TULP4: variants seen among roughly 807,000 people sequenced by gnomAD.
TULP4 encodes the protein TUB like protein 4.
TULP4 carries 16 observed loss-of-function variants against 129.0 expected under a neutral mutation model. The ratio of observed to expected loss-of-function variants is 0.12; its 90% CI spans 0.08 to 0.19. The LOEUF is 0.19. Ranked by LOEUF, TULP4 falls within the 10% of genes least tolerant of loss-of-function variation. The pLI is 1.00. For synonymous variants in TULP4, 998 were observed against 854.0 expected, an observed-to-expected ratio of 1.17 and a Z score of -2.94; for missense variants, 1,842 against 2,059.1, an observed-to-expected ratio of 0.89 and a Z score of 2.04.
At chr6:158,242,133 C>G (rs1329490674) in intron 1 of TULP4, 1 of 919,288 alleles carries the variant, frequency 1.1e-6, no homozygotes. Context: ...TATAGGCCAT[C>G]TGACCATAAG....
At chr6:158,277,388 C>T (rs1380540893), upstream of TULP4, among the ~76,000 whole-genome samples, 2 of 152,226 alleles carry the variant, frequency 1.3e-5, no homozygotes, top group African/African-American at 4.8e-5. Context: ...AGCCCAAGTA[C>T]ATCATGGGTT....
At chr6:158,309,179 T>G (rs184139499), upstream of TULP4, among the ~76,000 whole-genome samples, 1 of 15,758 alleles carries the variant, frequency 6.3e-5, no homozygotes, top group African/African-American at 1.5e-4. Context: ...TCAGATGGGG[T>G]GGTTGCCAGG....
At chr6:158,345,215 A>G (rs766077566) in intron 1 of TULP4, among the ~76,000 whole-genome samples, 1 of 152,212 alleles carries the variant, frequency 6.6e-6, no homozygotes, top group African/African-American at 2.4e-5. Flanking sequence ...TGGTGCAATC[A>G]TGGCTCACTG....
At chr6:158,317,390 C>G (rs1182552229) in intron 1 of TULP4, among the ~76,000 whole-genome samples, 1 of 131,768 alleles carries the variant, frequency 7.6e-6, no homozygotes, top group African/African-American at 2.9e-5. Flanking sequence ...TTGTTCAGTT[C>G]CCACCTATGA....
At chr6:158,374,244 G>A (rs750200800) in intron 1 of TULP4, among the ~76,000 whole-genome samples, 24 of 150,090 alleles carry the variant, frequency 1.6e-4, no homozygotes, top group Non-Finnish European at 2.8e-4. Flanking sequence ...CTATGATTGC[G>A]CCACCGCATT....
intron 1 of TULP4, among the ~76,000 whole-genome samples, chr6:158,273,642 A>G (rs746621615): frequency 6.6e-5 from 10 of 152,250 alleles, no homozygotes; most frequent in Non-Finnish European, 1.2e-4. Context: ...TGCCACCACC[A>G]ATTGGGAATT....
At chr6:158,364,052 G>A (rs1780863234) in intron 1 of TULP4, among the ~76,000 whole-genome samples, 1 of 152,104 alleles carries the variant, frequency 6.6e-6, no homozygotes, top group Non-Finnish European at 1.5e-5. Context: ...ATCACTGAGA[G>A]CCAGGTAATT....
At chr6:158,423,297 T>C (rs1778397324) in intron 2 of TULP4, among the ~76,000 whole-genome samples, 1 of 152,212 alleles carries the variant, frequency 6.6e-6, no homozygotes, top group East Asian at 1.9e-4. Flanking sequence ...AAGAAAAAAC[T>C]TGATATTAGA....
At chr6:158,480,030 C>T (rs751485838) in intron 7 of TULP4, 55 bp downstream of exon 7, 16 of 1,398,856 alleles carry the variant, frequency 1.1e-5, no homozygotes, top group Non-Finnish European at 1.5e-5. Flanking sequence ...TGGCTCCCCA[C>T]AGAGCCAGGG....
chr6:158,407,801 A>C (rs1233979262), intron 1 of TULP4, among the ~76,000 whole-genome samples: 1 of 152,232 alleles, frequency 6.6e-6, no homozygotes, highest in Non-Finnish European at 1.5e-5. Flanking sequence ...ACAACAGAGA[A>C]TTGGTTGCTT....
At position 158,493,853 on chromosome 6, in the gene TULP4, C is replaced by A; in HGVS notation, c.1776+136C>A. On this transcript the variant is annotated intron_variant, in intron 10 of 13. Coordinates refer to ENST00000367097, the MANE Select transcript of TULP4 (RefSeq NM_020245.5). The surrounding 1 kb of genome is among the most constrained non-coding windows in gnomAD (Gnocchi z 4.4). ...CTCTGCTCCACATCCTGCACACCAC[C>A]TACTACCTCAGGAGTAGCCCTCAGG... is the stretch of plus-strand genomic sequence containing the variant. 1.0e-6 allele frequency: 1 copy of A among 989,352 alleles called. No individual in the cohort carries two copies. The highest frequency in any genetic ancestry group is 1.4e-6 in the Non-Finnish European group (1 of 716,118). 61.3% of individuals were successfully genotyped at this position (989,352 alleles called of 1,614,324 possible).
intron 3 of TULP4, among the ~76,000 whole-genome samples, chr6:158,443,795 TAATC>T (rs1325132622): frequency 1.3e-5 from 2 of 152,198 alleles, no homozygotes; most frequent in Non-Finnish European, 2.9e-5. Flanking sequence ...AATATTCTGT[TAATC>T]AATTGAGCAG....
chr6:158,354,055 C>G (rs1394718670), intron 1 of TULP4, among the ~76,000 whole-genome samples: 1 of 152,188 alleles, frequency 6.6e-6, no homozygotes, highest in African/African-American at 2.4e-5. Context: ...GTGTCCTCAC[C>G]TGAAGGCCCA....
At chr6:158,356,897 T>C (rs1780660629) in intron 1 of TULP4, among the ~76,000 whole-genome samples, 1 of 151,276 alleles carries the variant, frequency 6.6e-6, no homozygotes, top group African/African-American at 2.5e-5. Context: ...CCAGGAGAGT[T>C]AGGAGTTAGG....
At chr6:158,304,655 A>G (rs1187465190) in intron 1 of TULP4, among the ~76,000 whole-genome samples, 8 of 131,962 alleles carry the variant, frequency 6.1e-5, no homozygotes. Context: ...ATACCATTAA[A>G]TTTACCAATT....
At position 158,416,950 on chromosome 6, in the gene TULP4, G is replaced by C. The variant is rs143439897; in HGVS notation, c.381+3757G>C. Among the ~76,000 whole-genome samples, 17 of 152,314 alleles carry C rather than the reference G, an allele frequency of 1.1e-4. No individual in the cohort carries two copies. In the East Asian group the frequency reaches 3.1e-3, roughly 28 times the overall value. On this transcript the variant is annotated intron_variant, in intron 2 of 13. Transcript: ENST00000367097. ...GTTCAACACAATCACATGTGTACAGGTCTGTAGCCTAGGAGTAGTAGGCTG... is the reference window on the plus strand; with the variant it reads ...GTTCAACACAATCACATGTGTACAGCTCTGTAGCCTAGGAGTAGTAGGCTG...
At chr6:158,414,835 C>G (rs1020169300) in intron 2 of TULP4, among the ~76,000 whole-genome samples, 1 of 152,188 alleles carries the variant, frequency 6.6e-6, no homozygotes, top group South Asian at 2.1e-4. Flanking sequence ...TTTTTTCATG[C>G]GTTATATCTT....
rs149441168 is a variant in TULP4, at chr6:158,233,618, C to T, written n.68+1315C>T. Among the ~76,000 whole-genome samples the T allele has an allele frequency of 1.4e-3, 217 of 152,314 alleles. 1 individual carries two copies. The highest frequency in any genetic ancestry group is 5.0e-3 in the African/African-American group (206 of 41,560). On this transcript the variant is annotated intron_variant and non_coding_transcript_variant, in intron 1 of 1. Transcript: ENST00000620026. Reference sequence around the variant, plus strand: ...ATGAGAAGTGACAGGGCACCTTGCACATAGCCACACTGCAATCCAGAGAGG... The same window carrying T: ...ATGAGAAGTGACAGGGCACCTTGCATATAGCCACACTGCAATCCAGAGAGG...
chr6:158,378,469 T>TTTTTG (rs1777244569), intron 1 of TULP4, among the ~76,000 whole-genome samples: 1 of 73,904 alleles, frequency 1.4e-5, no homozygotes, highest in African/African-American at 4.2e-5. Flanking sequence ...GCCAGTTTTT[T>TTTTTG]TTTTTTTTTT....
Sources: allele counts gnomAD v4.1 joint callset (sites outside exome capture counted in the v4.1 genomes callset), GRCh38; gene constraint gnomAD v4.1.1; non-coding constraint Gnocchi (gnomAD v3.1); transcripts MANE v1.5; gene names NCBI Gene and HGNC (gene_info 2026-07-23, HGNC 2026-07-21).